Variants in ZNF333 observed in about 807,000 individuals in gnomAD.
ZNF333 encodes zinc finger protein 333.
A neutral mutation model predicts 76.1 loss-of-function variants in ZNF333; 61 were observed. That is an observed-to-expected ratio of 0.80 (90% CI 0.65 to 0.99). ZNF333 has a LOEUF of 0.99. Among genes scored for constraint, ZNF333 ranks in the 50% least tolerant of loss-of-function variants. ZNF333 has a pLI of 0.00. For synonymous variants in ZNF333, 284 were observed against 305.0 expected (o/e 0.93, Z 0.72); for missense variants, 717 against 822.4 (o/e 0.87, Z 1.57).
intron 5 of ZNF333, among the ~76,000 whole-genome samples, chr19:14,702,806 G>T (rs1243050579): frequency 1.3e-5 from 2 of 152,204 alleles, no homozygotes; most frequent in Non-Finnish European, 2.9e-5. Context: ...GGCTGGGGAG[G>T]CCTCAGGAAA....
At chr19:14,699,601 C>T (rs2146963973) in intron 5 of ZNF333, among the ~76,000 whole-genome samples, 1 of 152,162 alleles carries the variant, frequency 6.6e-6, no homozygotes, top group East Asian at 1.9e-4. Context: ...GTTGGGACTG[C>T]AGGCGTGCAC....
At chr19:14,694,429 C>T (rs1313435513) in intron 2 of ZNF333, among the ~76,000 whole-genome samples, 1 of 150,998 alleles carries the variant, frequency 6.6e-6, no homozygotes, top group East Asian at 2.0e-4. Context: ...GCCGAGATGG[C>T]GCCACTGCAC....
chr19:14,708,011 TATTTTATTTTA>T (rs2042165340), intron 7 of ZNF333: 1 of 399,974 alleles, frequency 2.5e-6, no homozygotes, highest in Admixed American at 4.4e-5. Flanking sequence ...CTTCTTTTTT[TATTTTATTTTA>T]ATTGAGACAG....
At position 14,695,161 on chromosome 19, in the gene ZNF333, C is replaced by T. The variant is rs761952415; in HGVS notation, c.127+28C>T. 4 of 1,607,908 alleles carry T rather than the reference C, an allele frequency of 2.5e-6. No individual in the cohort carries two copies. The South Asian group carries it at 4.4e-5, about 18-fold the overall frequency. On this transcript the variant is annotated intron_variant, in intron 3 of 11. Transcript: ENST00000292530. ...AAGGCTGGCGTCACCTGGCTCCTTC[C>T]TGTACGCAGGCACTAAATGCTTCTT...
At chr19:14,717,564 A>AG (rs1780393342) in intron 10 of ZNF333, 93 bp from the exon 11 acceptor site, 7 of 1,084,342 alleles carry the variant, frequency 6.5e-6, no homozygotes, top group African/African-American at 1.6e-5. Flanking sequence ...TGGGAAAAAA[A>AG]GTCCACATGT....
exon 12 of ZNF333, chr19:14,731,273 G>C (rs1336073046): frequency 7.7e-7 from 1 of 1,303,878 alleles, no homozygotes; most frequent in Non-Finnish European, 1.1e-6. Flanking sequence ...CACTACTGGG[G>C]CTTGAAGACT....
chr19:14,705,307 G>C (rs2146979181), intron 6 of ZNF333, 137 bp downstream of exon 6: 2 of 704,196 alleles, frequency 2.8e-6, no homozygotes, highest in East Asian at 5.5e-5. Flanking sequence ...TGTGGGCTTG[G>C]GGTGGTGGAG....
chr19:14,706,644 A>T (rs754695629), intron 6 of ZNF333, 42 bp from the exon 7 acceptor site: 1 of 1,555,678 alleles, frequency 6.4e-7, no homozygotes, highest in Non-Finnish European at 8.9e-7. Flanking sequence ...TGGCCCCCTC[A>T]GCTTCTTGAC....
chr19:14,698,057 C>G (rs949600644), intron 4 of ZNF333, among the ~76,000 whole-genome samples: 8 of 152,112 alleles, frequency 5.3e-5, no homozygotes, highest in African/African-American at 9.7e-5. Flanking sequence ...CAGATGCTGT[C>G]TTCCCTTTCA....
rs56066058 is a variant in ZNF333, at chr19:14,721,280, C to CTTTTTTTTTTTTTTTTT, written c.*1964_*1980dup. 1.4e-4 allele frequency: 12 copies of CTTTTTTTTTTTTTTTTT among 87,860 alleles called. 1 individual carries two copies. The highest frequency in any genetic ancestry group is 1.7e-4 in the Non-Finnish European group (8 of 47,638). The allele number at this position is 87,860 out of a possible 1,614,324, so 5.4% of individuals were successfully genotyped here. ...GGACTAGTCTCCATTTTTACTTGTT[C>CTTTTTTTTTTTTTTTTT]TTTTTTTTTTTTTTTTTTTTTTTTT... On this transcript the variant is annotated 3_prime_UTR_variant, in exon 12 of 12. Transcript: ENST00000292530.
exon 12 of ZNF333, chr19:14,731,335 C>A: frequency 2.6e-6 from 2 of 756,708 alleles, no homozygotes; most frequent in Non-Finnish European, 2.2e-6. Context: ...GACTTTCAAA[C>A]TTCCAGTTCC....
At chr19:14,703,061 G>T (rs2042005014) in intron 5 of ZNF333, among the ~76,000 whole-genome samples, 1 of 151,880 alleles carries the variant, frequency 6.6e-6, no homozygotes, top group Non-Finnish European at 1.5e-5. Flanking sequence ...AAAATTAGCC[G>T]GGCGTGGTGG....
chr19:14,699,898 A>T (rs947049364), intron 5 of ZNF333, among the ~76,000 whole-genome samples: 1 of 152,176 alleles, frequency 6.6e-6, no homozygotes, highest in African/African-American at 2.4e-5. Context: ...GACGAACTCC[A>T]GCTGTCTAAA....
At position 14,721,067 on chromosome 19, in the gene ZNF333, A is replaced by T; in HGVS notation, c.*1742A>T. 18 of 706,818 alleles carry T rather than the reference A, an allele frequency of 2.5e-5. No homozygotes were observed. The highest frequency in any genetic ancestry group is 1.3e-4 in the East Asian group (1 of 7,496). 43.8% of individuals were successfully genotyped at this position (706,818 alleles called of 1,614,324 possible). Reference sequence around the variant, plus strand: ...AATACTTATTTAGAGTTTACTATTAATAGATAGTAGCCACTGCCTGAAGCT... The same window carrying T: ...AATACTTATTTAGAGTTTACTATTATTAGATAGTAGCCACTGCCTGAAGCT... On this transcript the variant is annotated 3_prime_UTR_variant, in exon 12 of 12. Coordinates refer to ENST00000292530, the MANE Select transcript of ZNF333 (RefSeq NM_032433.4).
intron 4 of ZNF333, among the ~76,000 whole-genome samples, chr19:14,696,578 A>G (rs1318833433): frequency 6.6e-6 from 1 of 151,996 alleles, no homozygotes; most frequent in Non-Finnish European, 1.5e-5. Context: ...TGCATCTGGT[A>G]AGGGCCTTCT....
At chr19:14,695,173 A>C in intron 3 of ZNF333, 40 bp downstream of exon 3, 3 of 1,597,236 alleles carry the variant, frequency 1.9e-6, no homozygotes, top group Non-Finnish European at 2.6e-6. Context: ...GTACGCAGGC[A>C]CTAAATGCTT....
intron 5 of ZNF333, among the ~76,000 whole-genome samples, chr19:14,703,214 A>C (rs1033762047): frequency 7.9e-5 from 12 of 151,820 alleles, no homozygotes; most frequent in African/African-American, 2.4e-4. Context: ...AAAAAAAAAA[A>C]AAAAAAAACC....
chr19:14,731,625 G>C (rs567185365), exon 12 of ZNF333: 9 of 158,558 alleles, frequency 5.7e-5, no homozygotes, highest in Non-Finnish European at 8.2e-5. Context: ...TTAAAATCCA[G>C]CTGAGAAGCC....
intron 9 of ZNF333, 66 bp downstream of exon 9, chr19:14,716,304 G>A (rs950731650): frequency 6.4e-7 from 1 of 1,555,684 alleles, no homozygotes; most frequent in Non-Finnish European, 8.7e-7. Context: ...TGTTGCCTAG[G>A]CTGGAGTGTG....
Sources: allele counts gnomAD v4.1 joint callset (sites outside exome capture counted in the v4.1 genomes callset), GRCh38; gene constraint gnomAD v4.1.1; transcripts MANE v1.5; gene names NCBI Gene and HGNC (gene_info 2026-07-23, HGNC 2026-07-21).